The following MOCS2 variants were observed in gnomAD, a reference collection of about 807,000 sequenced individuals.
MOCS2 encodes the protein molybdopterin synthase catalytic subunit.
Under a neutral mutation model 21.9 loss-of-function variants are expected in MOCS2, and 13 were observed. The observed-to-expected ratio is 0.59, with a 90% confidence interval of 0.39 to 0.94. The LOEUF (loss-of-function observed/expected upper bound fraction) is 0.94. Ranked by LOEUF, MOCS2 falls within the 40% of genes least tolerant of loss-of-function variation. The pLI, the probability that MOCS2 is intolerant of heterozygous loss-of-function variation, is 0.00. For missense variants in MOCS2, 227 were observed against 218.3 expected (o/e 1.04, Z -0.25); for synonymous variants, 92 against 80.8 (o/e 1.14, Z -0.74).
At position 53,096,505 on chromosome 5, in the gene MOCS2, GA is replaced by G. The variant is rs1283708223; in HGVS notation, c.*2096del. The G allele has an allele frequency of 6.6e-6, 1 of 152,094 alleles. No homozygotes were observed. Among genetic ancestry groups the G allele is most frequent in the African/African-American group, 2.4e-5 (1 of 41,394 alleles). 9.4% of individuals were successfully genotyped at this position (152,094 alleles called of 1,614,324 possible). On this transcript the variant is annotated 3_prime_UTR_variant, in exon 7 of 7. Coordinates refer to ENST00000396954, the MANE Select transcript of MOCS2 (RefSeq NM_004531.5). ...GATTAAAGGCTAATTATTTTTTTTA[GA>G]TTACTCTTCTAGTTACTTGAAGCTA...
intron 6 of MOCS2, 79 bp downstream of exon 6, chr5:53,100,332 T>C (rs1234252747): frequency 2.6e-6 from 4 of 1,527,022 alleles, no homozygotes; most frequent in South Asian, 2.3e-5. Flanking sequence ...AAAAAGTCCA[T>C]AAATATGGGG....
At chr5:53,103,345 C>T (rs979646443) in intron 3 of MOCS2, among the ~76,000 whole-genome samples, 2 of 152,158 alleles carry the variant, frequency 1.3e-5, no homozygotes, top group South Asian at 2.1e-4. Context: ...CTTTCACCTA[C>T]ATGCCCATCC....
chr5:53,102,185 A>G lies in MOCS2; in HGVS notation c.138T>C (p.Val46=). Residue 46 remains valine, a synonymous_variant, in exon 4 of 7, where the codon GTT becomes GTC. Coordinates refer to ENST00000396954, the MANE Select transcript of MOCS2 (RefSeq NM_004531.5). The stretch of plus-strand genomic sequence containing the variant: ...AAAGTTTCTCGGCAGTAAAGTTTAT[A>G]ACATCTTTAGATTTCTCTTCAACTT... ...MDEVEEKSKD[V]INFTAEKLSV... is the part of the protein sequence containing the mutation. The G allele has an allele frequency of 1.2e-6, 2 of 1,612,498 alleles. No homozygotes were observed. Among genetic ancestry groups the G allele is most frequent in the Non-Finnish European group, 8.5e-7 (1 of 1,178,696 alleles).
At chr5:53,104,002 G>A (rs1408329500) in intron 3 of MOCS2, among the ~76,000 whole-genome samples, 1 of 152,204 alleles carries the variant, frequency 6.6e-6, no homozygotes. Context: ...TGCAGGCAAT[G>A]AGGAATATAA....
chr5:53,100,543 AGAT>A lies in MOCS2; in HGVS notation c.378-12_378-10del. 1.2e-6 allele frequency: 2 copies of A among 1,613,414 alleles called. No homozygotes were observed. Among genetic ancestry groups the A allele is most frequent in the Non-Finnish European group, 1.7e-6 (2 of 1,179,588 alleles). On this transcript the variant is annotated splice_polypyrimidine_tract_variant and intron_variant, in intron 5 of 6. Coordinates refer to ENST00000396954, the MANE Select transcript of MOCS2 (RefSeq NM_004531.5). ...CTGACACTGGAACCAAGCTTTAACA[AGAT>A]GAAGAGAAAAAAAAATCACCATCAT...
intron 3 of MOCS2, among the ~76,000 whole-genome samples, chr5:53,103,540 T>A (rs1373619933): frequency 1.3e-5 from 2 of 152,188 alleles, no homozygotes; most frequent in African/African-American, 4.8e-5. Flanking sequence ...CTAGGTATTG[T>A]GCAAAGCCCT....
chr5:53,108,737 T>TA, intron 1 of MOCS2, 94 bp from the exon 2 acceptor site: 1 of 1,272,114 alleles, frequency 7.9e-7, no homozygotes, highest in Non-Finnish European at 1.1e-6. Flanking sequence ...TGTATTGCTT[T>TA]AATCAAAGAC....
In MOCS2 at chr5:53,102,239, T is replaced by C. The variant is rs770991450; in HGVS notation, c.99-15A>G. The C allele has an allele frequency of 6.2e-7, 1 of 1,606,750 alleles. No individual in the cohort carries two copies. The highest frequency in any genetic ancestry group is 8.5e-7 in the Non-Finnish European group (1 of 1,174,414). On this transcript the variant is annotated splice_polypyrimidine_tract_variant and intron_variant, in intron 3 of 6. Transcript: ENST00000396954. Reference sequence around the variant, plus strand: ...CCATATCTTTCCTAGAAATAATACATTAACAAACCTTAACAGAAGTCCTAG... The same window carrying C: ...CCATATCTTTCCTAGAAATAATACACTAACAAACCTTAACAGAAGTCCTAG...
rs1740757782 is a variant in MOCS2 at position 53,097,078 on chromosome 5, G to A, written c.*1524C>T. The A allele has an allele frequency of 6.6e-6, 1 of 152,104 alleles. No homozygotes were observed. Among genetic ancestry groups the A allele is most frequent in the African/African-American group, 2.4e-5 (1 of 41,268 alleles). The allele number at this position is 152,104 out of a possible 1,614,324, so 9.4% of individuals were successfully genotyped here. On this transcript the variant is annotated 3_prime_UTR_variant, in exon 7 of 7. Coordinates refer to ENST00000396954, the MANE Select transcript of MOCS2 (RefSeq NM_004531.5). ...CAGGCGGAAGCTCGATGGCAAGCCAGAGTGACACTGAACTGTGAAGGTAAG... is the reference window on the plus strand; with the variant it reads ...CAGGCGGAAGCTCGATGGCAAGCCAAAGTGACACTGAACTGTGAAGGTAAG...
chr5:53,106,271 C>T (rs930281129), intron 3 of MOCS2, among the ~76,000 whole-genome samples: 3 of 152,138 alleles, frequency 2.0e-5, no homozygotes, highest in Non-Finnish European at 4.4e-5. Context: ...CAGCACTATT[C>T]ACAATAGCAA....
rs1288344923 is a variant in MOCS2 at position 53,097,658 on chromosome 5, G to T, written c.*944C>A. The T allele has an allele frequency of 2.6e-5, 4 of 152,056 alleles. No individual in the cohort carries two copies. In the East Asian group the frequency reaches 7.7e-4, roughly 29 times the overall value. 9.4% of individuals were successfully genotyped at this position (152,056 alleles called of 1,614,324 possible). A position where few individuals can be genotyped will look rare whatever the true frequency, so the allele number is the denominator to read the frequency against. ...AGAAGAGGGGACTATGTGAGCTGAG[G>T]AATATGTTAATTAGTTGGATTATGG... is the stretch of plus-strand genomic sequence containing the variant. On this transcript the variant is annotated 3_prime_UTR_variant, in exon 7 of 7. Transcript: ENST00000396954.
Position 53,101,426 on chromosome 5 carries a change from T to G in MOCS2, c.310A>C (p.Arg104=). ...AYLPMAENEV[R]KICSDIRQKW... ...TGCCTAATGTCACTACAAATCTTTCTGACTTCATTTTCCGCCATGGGTAGA... is the reference window on the plus strand; with the variant it reads ...TGCCTAATGTCACTACAAATCTTTCGGACTTCATTTTCCGCCATGGGTAGA... Residue 104 remains arginine, a synonymous_variant, in exon 5 of 7, where the codon AGA becomes CGA. Coordinates refer to ENST00000396954, the MANE Select transcript of MOCS2 (RefSeq NM_004531.5). 6.2e-7 allele frequency: 1 copy of G among 1,613,912 alleles called. No individual in the cohort carries two copies. Among genetic ancestry groups the G allele is most frequent in the Non-Finnish European group, 8.5e-7 (1 of 1,179,852 alleles).
At position 53,108,651 on chromosome 5, in the gene MOCS2, T is replaced by G; in HGVS notation, c.-169-8A>C. 6.2e-7 allele frequency: 1 copy of G among 1,611,356 alleles called. No individual in the cohort carries two copies. Among genetic ancestry groups the G allele is most frequent in the Non-Finnish European group, 8.5e-7 (1 of 1,179,054 alleles). ...AAAATACAATACTTCAACCTGAAAG[T>G]AAAGAAAATGCTTTTAATAACAACT... On this transcript the variant is annotated splice_region_variant and splice_polypyrimidine_tract_variant and intron_variant, in intron 1 of 6. Coordinates refer to ENST00000396954, the MANE Select transcript of MOCS2 (RefSeq NM_004531.5).
intron 1 of MOCS2, 41 bp from the exon 2 acceptor site, chr5:53,108,684 G>A: frequency 6.3e-7 from 1 of 1,594,064 alleles, no homozygotes. Flanking sequence ...ACTCATACTC[G>A]TTTTCTGACT....
chr5:53,103,273 A>G (rs17298431), intron 3 of MOCS2, among the ~76,000 whole-genome samples: 43,281 of 152,138 alleles, frequency 0.28, 6,635 homozygotes, highest in Non-Finnish European at 0.34. Flanking sequence ...CAATGCCAAT[A>G]TATTCCAAAT....
chr5:53,099,807 A>G (rs536013854), intron 6 of MOCS2, among the ~76,000 whole-genome samples: 6 of 152,314 alleles, frequency 3.9e-5, no homozygotes, highest in South Asian at 4.1e-4. Flanking sequence ...TGAATGTGCA[A>G]CCACAGAACA....
intron 4 of MOCS2, 22 bp downstream of exon 4, chr5:53,102,075 T>C (rs1278837126): frequency 1.9e-6 from 3 of 1,610,674 alleles, no homozygotes; most frequent in Non-Finnish European, 2.5e-6. Context: ...CAGTGATAGA[T>C]GCAATGAAAA....
At chr5:53,108,957 C>A (rs1741126748) in intron 1 of MOCS2, among the ~76,000 whole-genome samples, 1 of 152,146 alleles carries the variant, frequency 6.6e-6, no homozygotes, top group South Asian at 2.1e-4. Context: ...AAAAGTATAG[C>A]ACCTTTTATA....
Position 53,107,115 on chromosome 5 carries a change from G to A in MOCS2, c.60C>T (p.Ser20=), listed in dbSNP as rs929423104. ...CFSLETKLPL[S]PPLVEDSAFE... ...AAGCACTATCCTCCACTAATGGGGG[G>A]GATAACGGCAATTTCGTCTCCAGGC... Residue 20 remains serine (S), a synonymous_variant, in exon 3 of 7, where the codon TCC becomes TCT. Coordinates refer to ENST00000396954, the MANE Select transcript of MOCS2 (RefSeq NM_004531.5). The A allele has an allele frequency of 3.7e-6, 6 of 1,614,048 alleles. No homozygotes were observed. In the African/African-American group the frequency reaches 5.3e-5, roughly 14 times the overall value.
Sources: allele counts gnomAD v4.1 joint callset (sites outside exome capture counted in the v4.1 genomes callset), GRCh38; gene constraint gnomAD v4.1.1; transcripts MANE v1.5; gene names NCBI Gene and HGNC (gene_info 2026-07-23, HGNC 2026-07-21).